Variants in TRIM2 observed in about 807,000 individuals in gnomAD.
The protein encoded by TRIM2 is tripartite motif containing 2.
In TRIM2, 20 loss-of-function variants were observed where a neutral mutation model predicts 75.2. The observed-to-expected ratio is 0.27, with a 90% confidence interval of 0.19 to 0.39. The LOEUF (loss-of-function observed/expected upper bound fraction) is 0.39, where lower values mean the gene tolerates loss of function less well. Among genes scored for constraint, TRIM2 ranks in the 10% least tolerant of loss-of-function variants. The pLI is 1.00. For synonymous variants in TRIM2, 373 were observed against 388.3 expected (o/e 0.96, Z 0.46); for missense variants, 660 against 990.8 (o/e 0.67, Z 4.48).
At chr4:153,201,099 G>A (rs926751667), upstream of TRIM2, among the ~76,000 whole-genome samples, 3 of 152,066 alleles carry the variant, frequency 2.0e-5, no homozygotes, top group Admixed American at 2.0e-4. Flanking sequence ...GAGTAGCTGG[G>A]ATTACAGGCA....
rs1553975033 is a variant in TRIM2, at chr4:153,248,001, T to TTG, written c.31-22333_31-22332insGT. On this transcript the variant is annotated intron_variant, in intron 1 of 11. Transcript: ENST00000338700. The surrounding 1 kb of genome is among the most constrained non-coding windows in gnomAD (Gnocchi z 4.0). ...ATCAGGCATTGGATCATGTGTTTTT[T>TTG]TTTTTTTTTTTTGAGATGGAGTCTC... 6.6e-6 allele frequency among the ~76,000 whole-genome samples: 1 copy of TTG among 150,638 alleles called. No homozygotes were observed. Among genetic ancestry groups the TTG allele is most frequent in the African/African-American group, 2.5e-5 (1 of 40,790 alleles).
At position 153,183,312 on chromosome 4, in the gene TRIM2, A is replaced by G. The variant is rs1732264705; in HGVS notation, c.-49+30042A>G. On this transcript the variant is annotated intron_variant, in intron 1 of 11. Coordinates refer to the TRIM2 transcript ENST00000437508. ...TGCATTATTTCACATTCCCCATGAT[A>G]AAGCCCAGTGCCCAGCTGAATGATA... 2.0e-5 allele frequency among the ~76,000 whole-genome samples: 3 copies of G among 152,352 alleles called. No individual in the cohort carries two copies. In the South Asian group the frequency reaches 6.2e-4, roughly 32 times the overall value.
chr4:153,314,189 G>A (rs188658517), intron 6 of TRIM2, among the ~76,000 whole-genome samples: 1 of 151,472 alleles, frequency 6.6e-6, no homozygotes, highest in Admixed American at 6.6e-5. Flanking sequence ...GTCTAGCCGA[G>A]GCGGGCGGAT....
intron 8 of TRIM2, 124 bp from the exon 9 acceptor site, chr4:153,322,524 T>G (rs1229379895): frequency 4.0e-6 from 4 of 993,650 alleles, no homozygotes; most frequent in East Asian, 5.3e-5. Flanking sequence ...GATATATGAG[T>G]AGCTGTGTAC....
At chr4:153,156,778 C>T (rs983531553) in intron 1 of TRIM2, 2 of 152,374 alleles carry the variant, frequency 1.3e-5, no homozygotes, top group African/African-American at 4.8e-5. Context: ...GAGCAATCGA[C>T]ACCTCTCTGC....
At chr4:153,160,107 A>G (rs369462181) in intron 1 of TRIM2, among the ~76,000 whole-genome samples, 1 of 152,228 alleles carries the variant, frequency 6.6e-6, no homozygotes, top group African/African-American at 2.4e-5. Context: ...AATATGAGTC[A>G]GTTACAATCT....
chr4:153,313,043 C>T (rs763774237), intron 6 of TRIM2, among the ~76,000 whole-genome samples: 2 of 152,108 alleles, frequency 1.3e-5, no homozygotes, highest in Non-Finnish European at 2.9e-5. Flanking sequence ...AACAGATGTT[C>T]CTCCAACCTT....
chr4:153,243,093 A>G (rs1747085498), intron 1 of TRIM2, among the ~76,000 whole-genome samples: 1 of 152,220 alleles, frequency 6.6e-6, no homozygotes, highest in African/African-American at 2.4e-5. Context: ...CTCTGATTCT[A>G]TGAAAGGATG....
chr4:153,238,663 T>C (rs1175259424), intron 1 of TRIM2, among the ~76,000 whole-genome samples: 1 of 152,208 alleles, frequency 6.6e-6, no homozygotes, highest in African/African-American at 2.4e-5. Flanking sequence ...TAAAGAAGAC[T>C]TGTTGTAAGG....
At chr4:153,263,797 C>A (rs1029791605) in intron 1 of TRIM2, among the ~76,000 whole-genome samples, 1 of 152,206 alleles carries the variant, frequency 6.6e-6, no homozygotes, top group Admixed American at 6.5e-5. Context: ...GTGAGGCCCT[C>A]TTCTGGCTTT....
At chr4:153,181,176 C>T (rs549912223) in intron 1 of TRIM2, among the ~76,000 whole-genome samples, 1 of 152,328 alleles carries the variant, frequency 6.6e-6, no homozygotes, top group East Asian at 1.9e-4. Context: ...ATGTGGATAC[C>T]ATTATTGAAT....
At chr4:153,287,639 A>C (rs1760954095) in intron 3 of TRIM2, among the ~76,000 whole-genome samples, 1 of 152,122 alleles carries the variant, frequency 6.6e-6, no homozygotes, top group Non-Finnish European at 1.5e-5. Context: ...TTAACATTTT[A>C]GCTTATAATG....
intron 1 of TRIM2, among the ~76,000 whole-genome samples, chr4:153,154,656 A>G (rs1729055585): frequency 6.6e-6 from 1 of 152,194 alleles, no homozygotes; most frequent in African/African-American, 2.4e-5. Context: ...AAAATATAAT[A>G]ATCCTCAGAA....
chr4:153,329,332 G>A (rs543569803), intron 11 of TRIM2, among the ~76,000 whole-genome samples: 84 of 151,886 alleles, frequency 5.5e-4, no homozygotes, highest in African/African-American at 2.0e-3. Context: ...GGAGTCTCAA[G>A]GAAAATTGTA....
At chr4:153,213,789 G>C (rs1020797587) in intron 1 of TRIM2, among the ~76,000 whole-genome samples, 3 of 152,138 alleles carry the variant, frequency 2.0e-5, no homozygotes, top group Non-Finnish European at 2.9e-5. Context: ...GCCTCCCAAA[G>C]TGCTGGGATT....
chr4:153,233,425 A>G (rs377571307), intron 1 of TRIM2, among the ~76,000 whole-genome samples: 43 of 152,032 alleles, frequency 2.8e-4, no homozygotes, highest in African/African-American at 9.2e-4. Flanking sequence ...CTTTACTTAC[A>G]GTCAAATTCA....
Position 153,335,078 on chromosome 4 carries a change from T to A in TRIM2, c.*112T>A, listed in dbSNP as rs1772297948. The A allele has an allele frequency of 7.5e-7, 1 of 1,339,202 alleles. No homozygotes were observed. The highest frequency in any genetic ancestry group is 2.4e-5 in the South Asian group (1 of 41,682). 83.0% of individuals were successfully genotyped at this position (1,339,202 alleles called of 1,614,324 possible). A position where few individuals can be genotyped will look rare whatever the true frequency, so the allele number is the denominator to read the frequency against. ...TTTTTATGCCAGAAGGAATCATTGG[T>A]GAACTTTCCAAGGTTATTTCTGAAT... On this transcript the variant is annotated 3_prime_UTR_variant, in exon 12 of 12. Coordinates refer to ENST00000338700, the MANE Select transcript of TRIM2 (RefSeq NM_015271.5).
rs184438730 is a variant in TRIM2 at position 153,207,731 on chromosome 4, C to T, written c.30+3171C>T. On this transcript the variant is annotated intron_variant, in intron 1 of 11. Coordinates refer to ENST00000338700, the MANE Select transcript of TRIM2 (RefSeq NM_015271.5). ...GAAAGAAGGGCGGGCTGGACATCAG[C>T]GTTCTGGTCTCCATCCGGGACTGGC... 2.0e-4 allele frequency among the ~76,000 whole-genome samples: 30 copies of T among 152,318 alleles called. No homozygotes were observed. In the East Asian group the frequency reaches 5.2e-3, roughly 26 times the overall value.
chr4:153,194,128 G>A (rs968679817), intron 1 of TRIM2, among the ~76,000 whole-genome samples: 2 of 152,180 alleles, frequency 1.3e-5, no homozygotes, highest in Admixed American at 6.5e-5. Context: ...GTGGGCATGA[G>A]CCTAAGTATA....
Sources: allele counts gnomAD v4.1 joint callset (sites outside exome capture counted in the v4.1 genomes callset), GRCh38; gene constraint gnomAD v4.1.1; non-coding constraint Gnocchi (gnomAD v3.1); transcripts MANE v1.5; gene names NCBI Gene and HGNC (gene_info 2026-07-23, HGNC 2026-07-21).